Variants in FARS2 observed in about 807,000 individuals in gnomAD.
The protein encoded by FARS2 is phenylalanine--tRNA ligase, mitochondrial.
A neutral mutation model predicts 46.4 loss-of-function variants in FARS2; 40 were observed. The observed-to-expected ratio is 0.86, with a 90% confidence interval of 0.67 to 1.12. The LOEUF (loss-of-function observed/expected upper bound fraction) is 1.12, where lower values mean the gene tolerates loss of function less well. Among genes scored for constraint, FARS2 ranks in the 50% most tolerant of loss-of-function variants. The probability of loss-of-function intolerance (pLI) is 0.00; values close to 1 mark genes in which losing one functional copy is unlikely to be tolerated. For missense variants in FARS2, 513 were observed against 567.9 expected (o/e 0.90, Z 0.98); for synonymous variants, 234 against 214.9 (o/e 1.09, Z -0.78).
At chr6:5,596,857 A>C (rs6929302) in intron 5 of FARS2, among the ~76,000 whole-genome samples, 1 of 152,162 alleles carries the variant, frequency 6.6e-6, no homozygotes, top group Non-Finnish European at 1.5e-5. Context: ...GGAAGGACAA[A>C]CTCACTTATA....
chr6:5,718,970 T>A (rs540115514), intron 6 of FARS2, among the ~76,000 whole-genome samples: 7 of 152,318 alleles, frequency 4.6e-5, no homozygotes, highest in African/African-American at 1.4e-4. Context: ...TAATCCCACT[T>A]TGAGCCTGAG....
Position 5,535,404 on chromosome 6 carries a change from G to A in FARS2, c.905-9776G>A, listed in dbSNP as rs1337668537. On this transcript the variant is annotated intron_variant, in intron 4 of 6. Coordinates refer to ENST00000274680, the MANE Select transcript of FARS2 (RefSeq NM_006567.5). ...TCTATTAGTTTAGACAGCTTTTTGT[G>A]TGTGGATTCTTCAGGGCTTTCTACA... Among the ~76,000 whole-genome samples, 3 of 152,180 alleles carry A rather than the reference G, an allele frequency of 2.0e-5. No homozygotes were observed. The South Asian group carries it at 6.2e-4, about 32-fold the overall frequency.
chr6:5,704,160 C>T (rs1434692218), intron 6 of FARS2, among the ~76,000 whole-genome samples: 2 of 152,180 alleles, frequency 1.3e-5, no homozygotes, highest in African/African-American at 4.8e-5. Flanking sequence ...AAACTTATTC[C>T]TCACAGTTCT....
chr6:5,478,304 G>T (rs1279214209), intron 4 of FARS2, among the ~76,000 whole-genome samples: 4 of 152,168 alleles, frequency 2.6e-5, no homozygotes, highest in African/African-American at 9.7e-5. Flanking sequence ...TAAAATCCTA[G>T]TATGGTACAG....
At chr6:5,603,602 A>T (rs6935073) in intron 5 of FARS2, among the ~76,000 whole-genome samples, 3 of 152,008 alleles carry the variant, frequency 2.0e-5, no homozygotes, top group Non-Finnish European at 4.4e-5. Flanking sequence ...TTGCTGGCAC[A>T]CTTTGGCATT....
chr6:5,459,852 G>C (rs11969624), intron 4 of FARS2, among the ~76,000 whole-genome samples: 20,692 of 152,000 alleles, frequency 0.14, 1,535 homozygotes, highest in African/African-American at 0.18. Context: ...TGAGTCTTTG[G>C]AATCATTCTC....
chr6:5,586,596 A>G (rs1773625017), intron 5 of FARS2, among the ~76,000 whole-genome samples: 1 of 151,892 alleles, frequency 6.6e-6, no homozygotes, highest in Non-Finnish European at 1.5e-5. Flanking sequence ...ATGTACTAGT[A>G]TTTTGCTGAG....
At chr6:5,432,432 AAATAT>A (rs1334744323) in intron 4 of FARS2, among the ~76,000 whole-genome samples, 2 of 125,658 alleles carry the variant, frequency 1.6e-5, no homozygotes, top group Non-Finnish European at 3.3e-5. Context: ...AATATATTAT[AAATAT>A]AATATATAAA....
chr6:5,511,671 A>G (rs1768462340), intron 4 of FARS2, among the ~76,000 whole-genome samples: 1 of 152,218 alleles, frequency 6.6e-6, no homozygotes, highest in African/African-American at 2.4e-5. Flanking sequence ...TTGGAGGAAA[A>G]GGGTCATTTC....
intron 2 of FARS2, among the ~76,000 whole-genome samples, chr6:5,378,118 C>T (rs1759497968): frequency 1.3e-5 from 2 of 152,160 alleles, no homozygotes; most frequent in African/African-American, 2.4e-5. Context: ...TGGAATGGCC[C>T]TTCATCAAGA....
chr6:5,363,538 A>AAG (rs889417316), intron 1 of FARS2, among the ~76,000 whole-genome samples: 5 of 152,090 alleles, frequency 3.3e-5, no homozygotes, highest in Admixed American at 6.6e-5. Flanking sequence ...TGATAAATAT[A>AAG]AGAGAGAGAG....
intron 6 of FARS2, among the ~76,000 whole-genome samples, chr6:5,728,888 G>C (rs537065501): frequency 1.3e-5 from 2 of 152,302 alleles, no homozygotes; most frequent in East Asian, 3.9e-4. Flanking sequence ...CCGAAACCCT[G>C]CCTGAGCTCA....
intron 6 of FARS2, among the ~76,000 whole-genome samples, chr6:5,709,700 GCA>G (rs537898493): frequency 0.038 from 5,530 of 145,488 alleles, 412 homozygotes; most frequent in African/African-American, 0.11. Context: ...GTGTGTGTGC[GCA>G]TGCACGTGCA....
intron 6 of FARS2, among the ~76,000 whole-genome samples, chr6:5,689,647 G>A (rs1374611191): frequency 6.6e-6 from 1 of 151,808 alleles, no homozygotes; most frequent in African/African-American, 2.4e-5. Flanking sequence ...AATAGGTGTG[G>A]TGTGGTGCTG....
chr6:5,408,202 A>T (rs763225679), intron 3 of FARS2, among the ~76,000 whole-genome samples: 7 of 152,180 alleles, frequency 4.6e-5, no homozygotes, highest in Admixed American at 1.3e-4. Flanking sequence ...CTTGGGAAAC[A>T]TAGGATGTTC....
At chr6:5,649,220 T>C (rs1777223146) in intron 6 of FARS2, among the ~76,000 whole-genome samples, 1 of 152,238 alleles carries the variant, frequency 6.6e-6, no homozygotes, top group Non-Finnish European at 1.5e-5. Flanking sequence ...TGTGCATATA[T>C]CTCTCTTCCA....
chr6:5,399,578 T>C (rs1761131437), intron 2 of FARS2, among the ~76,000 whole-genome samples: 1 of 152,168 alleles, frequency 6.6e-6, no homozygotes, highest in Admixed American at 6.5e-5. Flanking sequence ...TTATACTCTA[T>C]TCCCATTCAA....
intron 6 of FARS2, among the ~76,000 whole-genome samples, chr6:5,645,226 G>A (rs1777019014): frequency 6.6e-6 from 1 of 152,206 alleles, no homozygotes; most frequent in African/African-American, 2.4e-5. Context: ...CACTGGACAA[G>A]AGTGCATTTA....
chr6:5,769,501 C>G (rs1384078077), intron 6 of FARS2, among the ~76,000 whole-genome samples: 1 of 152,252 alleles, frequency 6.6e-6, no homozygotes, highest in African/African-American at 2.4e-5. Context: ...GAAAAGACCA[C>G]TCTACTTTGT....
Sources: allele counts gnomAD v4.1 joint callset (sites outside exome capture counted in the v4.1 genomes callset), GRCh38; gene constraint gnomAD v4.1.1; transcripts MANE v1.5; gene names NCBI Gene and HGNC (gene_info 2026-07-23, HGNC 2026-07-21).